Variants in NDRG2 observed in about 807,000 individuals in gnomAD.
NDRG2 encodes the protein NDRG family member 2.
In NDRG2, 34 loss-of-function variants were observed where a neutral mutation model predicts 58.2. The observed-to-expected ratio is 0.58, with a 90% CI of 0.44 to 0.78. The LOEUF (loss-of-function observed/expected upper bound fraction) is 0.78, where lower values mean the gene tolerates loss of function less well. Among genes scored for constraint, NDRG2 ranks in the 30% least tolerant of loss-of-function variants. The probability of loss-of-function intolerance (pLI) is 0.00; values close to 1 mark genes in which losing one functional copy is unlikely to be tolerated. For synonymous variants in NDRG2, 187 were observed against 175.9 expected (o/e 1.06, Z -0.50); for missense variants, 434 against 471.2 (o/e 0.92, Z 0.73).
chr14:21,022,144 T>C lies in NDRG2; in HGVS notation c.262A>G (p.Met88Val), dbSNP rs199772146. ...ACAAAGTTCTGAATGATTTCCTGCA[T>C]GTCCTCGAACTGAAACAGTGGCTGG... ...CFQPLFQFED[M>V]QEIIQNFVRV... Residue 88 changes from methionine (M) to valine (V), a missense_variant, in exon 5 of 16, where the codon ATG becomes GTG. By Grantham distance (21) the Met-to-Val change is conservative. Coordinates refer to ENST00000556147, the MANE Select transcript of NDRG2 (RefSeq NM_001320329.2). 1.2e-6 allele frequency: 2 copies of C among 1,614,204 alleles called. No individual in the cohort carries two copies. The highest frequency in any genetic ancestry group is 4.5e-5 in the East Asian group (2 of 44,890).
intron 1 of NDRG2, among the ~76,000 whole-genome samples, chr14:21,048,860 T>A (rs369903531): frequency 6.6e-6 from 1 of 152,128 alleles, no homozygotes; most frequent in East Asian, 1.9e-4. Context: ...AAAAAGCTCC[T>A]AGCCAAGAGT....
At chr14:21,034,231 C>T (rs757109086) in intron 1 of NDRG2, 3 of 1,614,044 alleles carry the variant, frequency 1.9e-6, no homozygotes, top group Admixed American at 1.7e-5. Flanking sequence ...ATGTCCATGA[C>T]CAGAGTTGGC....
chr14:21,064,499 G>C (rs942448040), intron 1 of NDRG2, among the ~76,000 whole-genome samples: 3 of 151,974 alleles, frequency 2.0e-5, no homozygotes, highest in Non-Finnish European at 4.4e-5. Context: ...ACTGGGTTTC[G>C]CCATGTTGGC....
At chr14:21,045,492 C>T (rs1885102581) in intron 1 of NDRG2, among the ~76,000 whole-genome samples, 2 of 152,196 alleles carry the variant, frequency 1.3e-5, no homozygotes, top group South Asian at 2.1e-4. Flanking sequence ...CAGTATACTA[C>T]ATTTACCATC....
At chr14:21,041,770 G>C (rs1243468) in intron 1 of NDRG2, among the ~76,000 whole-genome samples, 30,068 of 152,196 alleles carry the variant, frequency 0.2, 3,286 homozygotes, top group East Asian at 0.38. Context: ...ATGTGGCCTT[G>C]GTTGGTACCT....
chr14:21,038,248 T>C (rs984681942), intron 1 of NDRG2, among the ~76,000 whole-genome samples: 1 of 152,196 alleles, frequency 6.6e-6, no homozygotes, highest in Admixed American at 6.5e-5. Flanking sequence ...ACGGAATGCC[T>C]TCTAAAAGTT....
chr14:21,021,168 G>T (rs1399432109), intron 6 of NDRG2: 1 of 501,106 alleles, frequency 2.0e-6, no homozygotes, highest in Non-Finnish European at 3.9e-6. Context: ...TCAAGAGCCA[G>T]TTCAACTTGT....
At position 21,025,041 on chromosome 14, in the gene NDRG2, C is replaced by A; in HGVS notation, c.-1018G>T. 2.0e-6 allele frequency: 2 copies of A among 986,046 alleles called. No homozygotes were observed. The highest frequency in any genetic ancestry group is 2.4e-6 in the Non-Finnish European group (2 of 830,442). 61.1% of individuals were successfully genotyped at this position (986,046 alleles called of 1,614,324 possible). The stretch of plus-strand genomic sequence containing the variant: ...CCCCTCCCCCTACCTGCTGCCGCCG[C>A]GGCCGCTTCCACCTTCACTTGCCTT... On this transcript the variant is annotated 5_prime_UTR_variant, in exon 1 of 16. Transcript: ENST00000556147. This position sits in a 1 kb window ranked among gnomAD's most constrained non-coding sequence, Gnocchi z 5.1.
intron 1 of NDRG2, chr14:21,057,967 C>T (rs372625759): frequency 6.2e-7 from 1 of 1,613,966 alleles, no homozygotes; most frequent in African/African-American, 1.3e-5. Flanking sequence ...AGGTCCTAGT[C>T]AGAGCCAAGC....
intron 1 of NDRG2, chr14:21,058,370 A>G (rs757973480): frequency 6.4e-7 from 1 of 1,560,508 alleles, no homozygotes; most frequent in Non-Finnish European, 8.8e-7. Context: ...CCTGGTGCCC[A>G]CGTTCCACCT....
chr14:21,019,826 T>C lies in NDRG2; in HGVS notation c.613-84A>G, dbSNP rs1879082440. On this transcript the variant is annotated intron_variant, in intron 9 of 15. Transcript: ENST00000556147. ...AGGAAAAGAGGTAAGCCTTCTTCCT[T>C]CCCCAAATCCTGTCCCAGCTAAGGA... is the stretch of plus-strand genomic sequence containing the variant. 6.5e-6 allele frequency: 10 copies of C among 1,528,876 alleles called. No individual in the cohort carries two copies. In the South Asian group the frequency reaches 1.1e-4, roughly 17 times the overall value. The allele number at this position is 1,528,876 out of a possible 1,614,324, so 94.7% of individuals were successfully genotyped here.
At chr14:21,066,325 GT>G (rs71416998) in intron 1 of NDRG2, among the ~76,000 whole-genome samples, 30,033 of 142,144 alleles carry the variant, frequency 0.21, 2,989 homozygotes, top group South Asian at 0.31. Context: ...TGTTTTTTTT[GT>G]TTTTTTTTTT....
intron 11 of NDRG2, 33 bp from the exon 12 acceptor site, chr14:21,018,847 G>A (rs1566454866): frequency 3.7e-6 from 6 of 1,613,430 alleles, no homozygotes. Context: ...AAGGCAGTGA[G>A]CCCCTGGCAC....
intron 4 of NDRG2, 63 bp from the exon 5 acceptor site, chr14:21,022,245 A>T: frequency 1.9e-6 from 3 of 1,611,634 alleles, no homozygotes; most frequent in Non-Finnish European, 8.5e-7. Context: ...CCCCAGTCAG[A>T]ACTCACCCTT....
intron 1 of NDRG2, among the ~76,000 whole-genome samples, chr14:21,037,034 G>A (rs1884667709): frequency 6.6e-6 from 1 of 152,198 alleles, no homozygotes; most frequent in South Asian, 2.1e-4. Context: ...CAAGGCTGCA[G>A]CTTCCCTGAG....
At position 21,021,854 on chromosome 14, in the gene NDRG2, G is replaced by A. The variant is rs374582889; in HGVS notation, c.370C>T (p.Leu124Phe). 2.5e-6 allele frequency: 4 copies of A among 1,613,418 alleles called. No homozygotes were observed. Among genetic ancestry groups the A allele is most frequent in the Non-Finnish European group, 3.4e-6 (4 of 1,179,684 alleles). ...LGYQYPSLDQ[L>F]ADMIPCVLQY... ...AGGACGCAAGGGATCATGTCTGCAA[G>A]CTGGTCCAGAGATGGGTACTGATAT... The change falls in exon 6 of 16, where the codon CTT (leucine) becomes TTT (phenylalanine). Residue 124 changes from leucine to phenylalanine, a missense_variant. Leu to Phe is a conservative substitution (Grantham distance 22). Transcript: ENST00000556147.
At chr14:21,023,964 G>A in intron 1 of NDRG2, 66 bp downstream of exon 1, 1 of 986,638 alleles carries the variant, frequency 1.0e-6, no homozygotes, top group Non-Finnish European at 1.2e-6. Flanking sequence ...TAGTGGGTGA[G>A]GAGCAGAGCA....
chr14:21,022,735 G>A lies in NDRG2; in HGVS notation c.117+129C>T, dbSNP rs141779232. 9.7e-5 allele frequency: 83 copies of A among 859,824 alleles called. No homozygotes were observed. The South Asian group carries it at 1.0e-3, about 10-fold the overall frequency. 53.3% of individuals were successfully genotyped at this position (859,824 alleles called of 1,614,324 possible). ...GGGAAGGAAGGAGAGGGGAGAGATA[G>A]GGAAGGGAAAGGACTAGAATAGAAG... On this transcript the variant is annotated intron_variant, in intron 3 of 15. Coordinates refer to ENST00000556147, the MANE Select transcript of NDRG2 (RefSeq NM_001320329.2).
At chr14:21,035,964 T>A in intron 1 of NDRG2, 1 of 400,884 alleles carries the variant, frequency 2.5e-6, no homozygotes. Flanking sequence ...ACACCATCTA[T>A]CTGTTTACGA....
Sources: gnomAD v4.1 joint callset for allele counts (sites outside exome capture counted in the v4.1 genomes callset) on GRCh38, gnomAD v4.1.1 for gene constraint, Gnocchi (gnomAD v3.1) non-coding constraint, MANE v1.5 for transcripts, NCBI Gene and HGNC (gene_info 2026-07-23, HGNC 2026-07-21) for gene names.